ZKSCAN2: variants seen among roughly 807,000 people sequenced by gnomAD.
ZKSCAN2 encodes the protein zinc finger protein with KRAB and SCAN domains 2.
Under a neutral mutation model 90.5 loss-of-function variants are expected in ZKSCAN2, and 38 were observed. That is an observed-to-expected ratio of 0.42 (90% CI 0.32 to 0.55). The LOEUF is 0.55. ZKSCAN2 is among the 20% of genes least tolerant of loss of function. The pLI is 0.11. For synonymous variants in ZKSCAN2, 429 were observed against 421.6 expected (o/e 1.02, Z -0.22); for missense variants, 1,167 against 1,202.6 (o/e 0.97, Z 0.44).
intron 5 of ZKSCAN2, among the ~76,000 whole-genome samples, chr16:25,245,515 C>A (rs1962918999): frequency 6.6e-6 from 1 of 152,066 alleles, no homozygotes; most frequent in African/African-American, 2.4e-5. Context: ...CCTGTAATCC[C>A]AGCACTTTGG....
Position 25,257,081 on chromosome 16 carries a change from T to A in ZKSCAN2, c.47A>T (p.Glu16Val). The A allele has an allele frequency of 6.2e-7, 1 of 1,613,498 alleles. No homozygotes were observed. The highest frequency in any genetic ancestry group is 2.2e-5 in the East Asian group (1 of 44,870). The change falls in exon 1 of 7, where the codon GAG becomes GTG. Residue 16 changes from glutamate (E) to valine (V), a missense_variant. Coordinates refer to ENST00000328086, the MANE Select transcript of ZKSCAN2 (RefSeq NM_001012981.5). ...DSQIDAPLEV[E>V]GCLIMKVEKD... Reference sequence around the variant, plus strand: ...TTCCACCTTCATTATTAGGCATCCCTCAACCTCCAGGGGCGCGTCGATCTG... The same window carrying A: ...TTCCACCTTCATTATTAGGCATCCCACAACCTCCAGGGGCGCGTCGATCTG...
intron 6 of ZKSCAN2, among the ~76,000 whole-genome samples, chr16:25,241,122 C>T (rs2141359265): frequency 6.6e-6 from 1 of 152,326 alleles, no homozygotes; most frequent in African/African-American, 2.4e-5. Flanking sequence ...GTCCAAGTTC[C>T]TCGAGGGACT....
rs1351097863 is a variant in ZKSCAN2 at position 25,251,570 on chromosome 16, T to C, written c.805+339A>G. The stretch of plus-strand genomic sequence containing the variant: ...TGTCGTAATTTGAATCCTAGCTACA[T>C]TGCTTACTTTACTTTGACCAGGGGA... On this transcript the variant is annotated intron_variant, in intron 4 of 6. Transcript: ENST00000328086. 2.6e-5 allele frequency among the ~76,000 whole-genome samples: 4 copies of C among 152,320 alleles called. No individual in the cohort carries two copies. In the East Asian group the frequency reaches 7.7e-4, roughly 29 times the overall value.
Position 25,236,704 on chromosome 16 carries a change from A to T in ZKSCAN2, c.*3112T>A, listed in dbSNP as rs912030198. The T allele has an allele frequency of 6.6e-6, 1 of 152,180 alleles. No homozygotes were observed. The highest frequency in any genetic ancestry group is 2.4e-5 in the African/African-American group (1 of 41,442). 9.4% of individuals were successfully genotyped at this position (152,180 alleles called of 1,614,324 possible). A position where few individuals can be genotyped will look rare whatever the true frequency, so the allele number is the denominator to read the frequency against. On this transcript the variant is annotated 3_prime_UTR_variant, in exon 7 of 7. Transcript: ENST00000328086. Reference sequence around the variant, plus strand: ...ATTTACGTGTGAGGTTTCCCTTTTTAAAAAACTGTTTCTTTCCAGATGAAT... The same window carrying T: ...ATTTACGTGTGAGGTTTCCCTTTTTTAAAAACTGTTTCTTTCCAGATGAAT...
intron 4 of ZKSCAN2, among the ~76,000 whole-genome samples, chr16:25,247,742 CT>C (rs1243962752): frequency 2.0e-5 from 3 of 152,138 alleles, no homozygotes; most frequent in Admixed American, 6.5e-5. Flanking sequence ...TAAAGTGTAT[CT>C]TTTCCCCACA....
intron 4 of ZKSCAN2, among the ~76,000 whole-genome samples, chr16:25,250,590 C>T (rs1432348035): frequency 6.6e-6 from 1 of 152,038 alleles, no homozygotes; most frequent in East Asian, 1.9e-4. Flanking sequence ...TTGAAATTTG[C>T]TGAGAGTGTA....
chr16:25,253,916 G>A (rs1159422620), intron 2 of ZKSCAN2, among the ~76,000 whole-genome samples: 1 of 152,236 alleles, frequency 6.6e-6, no homozygotes, highest in Non-Finnish European at 1.5e-5. Flanking sequence ...ACTGAGGCAC[G>A]AGAATTGCTG....
In ZKSCAN2 at chr16:25,257,008, G is replaced by C. The variant is rs1231573195; in HGVS notation, c.120C>G (p.Ser40Arg). Reference protein sequence around the residue: ...ASEPILEGSDSSETFRKCFRQ... With the variant: ...ASEPILEGSDRSETFRKCFRQ... Reference sequence around the variant, plus strand: ...TGAAGCATTTGCGGAAGGTCTCAGAGCTATCCGATCCTTCCAGAATGGGCT... The same window carrying C: ...TGAAGCATTTGCGGAAGGTCTCAGACCTATCCGATCCTTCCAGAATGGGCT... Residue 40 changes from serine to arginine, a missense_variant, in exon 1 of 7, where the codon AGC becomes AGG. Coordinates refer to ENST00000328086, the MANE Select transcript of ZKSCAN2 (RefSeq NM_001012981.5). The C allele has an allele frequency of 1.9e-6, 3 of 1,614,092 alleles. No individual in the cohort carries two copies. Among genetic ancestry groups the C allele is most frequent in the Non-Finnish European group, 2.5e-6 (3 of 1,180,042 alleles).
rs113175046 is a variant in ZKSCAN2 at position 25,240,624 on chromosome 16, T to A, written c.2096A>T (p.Asp699Val). The change falls in exon 7 of 7, where the codon GAC (aspartate) becomes GTC (valine). Residue 699 changes from aspartate (D) to valine (V), a missense_variant. By Grantham distance (152) the Asp-to-Val change is radical. Coordinates refer to ENST00000328086, the MANE Select transcript of ZKSCAN2 (RefSeq NM_001012981.5). ...TTCCCTTTTGCGATATTTGCTGGGGTCGGTACTCTGGGAAACAACTCTTTT... is the reference window on the plus strand; with the variant it reads ...TTCCCTTTTGCGATATTTGCTGGGGACGGTACTCTGGGAAACAACTCTTTT... ...KSKRVVSQSTDPSKYRKRECI... is the reference protein window; with the variant it reads ...KSKRVVSQSTVPSKYRKRECI... 79 of 1,614,148 alleles carry A rather than the reference T, an allele frequency of 4.9e-5. 1 individual carries two copies. In the African/African-American group the frequency reaches 8.3e-4, roughly 17 times the overall value.
At chr16:25,251,429 T>C (rs1458099552) in intron 4 of ZKSCAN2, among the ~76,000 whole-genome samples, 1 of 152,162 alleles carries the variant, frequency 6.6e-6, no homozygotes, top group Non-Finnish European at 1.5e-5. Context: ...TAATAAAATA[T>C]TTCATTAATT....
Position 25,239,810 on chromosome 16 carries a change from T to C in ZKSCAN2, c.*6A>G, listed in dbSNP as rs1962818904. 1.9e-6 allele frequency: 3 copies of C among 1,565,318 alleles called. No homozygotes were observed. The highest frequency in any genetic ancestry group is 1.4e-5 in the African/African-American group (1 of 73,010). ...TAAGGGGGCATTTAGGAAGAGAAGA[T>C]CATCATCAAAAAGTTTTCCTAAATT... On this transcript the variant is annotated 3_prime_UTR_variant, in exon 7 of 7. Transcript: ENST00000328086.
At chr16:25,240,827 C>T (rs1412293269) in intron 6 of ZKSCAN2, 89 bp from the exon 7 acceptor site, 29 of 997,818 alleles carry the variant, frequency 2.9e-5, no homozygotes, top group Non-Finnish European at 4.3e-5. Context: ...CGCTTGCTCT[C>T]CATACACTTC....
At chr16:25,254,079 G>T (rs1963059960) in intron 2 of ZKSCAN2, among the ~76,000 whole-genome samples, 1 of 152,170 alleles carries the variant, frequency 6.6e-6, no homozygotes, top group South Asian at 2.1e-4. Flanking sequence ...CCTGACCAAG[G>T]CCACATAGAT....
chr16:25,252,837 C>T (rs1256482175), intron 3 of ZKSCAN2, 109 bp downstream of exon 3: 1 of 872,950 alleles, frequency 1.1e-6, no homozygotes, highest in African/African-American at 1.7e-5. Flanking sequence ...ATCGCTTGAA[C>T]CCAGGAGGCA....
chr16:25,252,921 G>GA (rs750316662), intron 3 of ZKSCAN2, 25 bp downstream of exon 3: 79 of 1,588,992 alleles, frequency 5.0e-5, no homozygotes, highest in Middle Eastern at 1.7e-4. Flanking sequence ...CCATCTCAAA[G>GA]AAAAAAAAGA....
intron 2 of ZKSCAN2, among the ~76,000 whole-genome samples, chr16:25,253,669 T>C (rs1359918082): frequency 6.6e-6 from 1 of 152,250 alleles, no homozygotes; most frequent in Admixed American, 6.5e-5. Context: ...GGCTCCTTCA[T>C]GCTGCCGCAT....
Position 25,240,347 on chromosome 16 carries a change from G to T in ZKSCAN2, c.2373C>A (p.Ile791=). The change falls in exon 7 of 7, where the codon ATC becomes ATA. Residue 791 remains isoleucine (I), a synonymous_variant. Transcript: ENST00000328086. ...CGCCTGTGTGGATTCTTTGGTGTCT[G>T]ATCAGGCTCCTGCTTCTACCAAAGC... ...GKCFGRSRSL[I]RHQRIHTGEK... The T allele has an allele frequency of 6.2e-7, 1 of 1,613,994 alleles. No individual in the cohort carries two copies. The highest frequency in any genetic ancestry group is 8.5e-7 in the Non-Finnish European group (1 of 1,180,034).
intron 6 of ZKSCAN2, among the ~76,000 whole-genome samples, chr16:25,242,730 T>C (rs1260848562): frequency 6.6e-6 from 1 of 152,170 alleles, no homozygotes; most frequent in African/African-American, 2.4e-5. Flanking sequence ...GGAAGGAAAA[T>C]GCTGACATGT....
At chr16:25,243,658 T>C (rs1468403636) in intron 6 of ZKSCAN2, 127 bp downstream of exon 6, 15 of 1,179,588 alleles carry the variant, frequency 1.3e-5, no homozygotes, top group Non-Finnish European at 1.8e-5. Flanking sequence ...GTTCTTCAAG[T>C]AGCACAGGCA....
Sources: allele counts gnomAD v4.1 joint callset (sites outside exome capture counted in the v4.1 genomes callset), GRCh38; gene constraint gnomAD v4.1.1; transcripts MANE v1.5; gene names NCBI Gene and HGNC (gene_info 2026-07-23, HGNC 2026-07-21).